Variants in ATG12 observed in about 807,000 individuals in gnomAD.
ATG12 encodes ubiquitin-like protein ATG12.
ATG12 carries 19 observed loss-of-function variants against 17.6 expected under a neutral mutation model. That is an observed-to-expected ratio of 1.08 (90% CI 0.75 to 1.58). The LOEUF (loss-of-function observed/expected upper bound fraction) is 1.58. Among genes scored for constraint, ATG12 ranks in the 40% most tolerant of loss-of-function variants. The pLI, the probability that ATG12 is intolerant of heterozygous loss-of-function variation, is 0.00. For synonymous variants in ATG12, 75 were observed against 62.4 expected, an observed-to-expected ratio of 1.20 and a Z score of -0.95; for missense variants, 214 against 162.0, an observed-to-expected ratio of 1.32 and a Z score of -1.74.
intron 2 of ATG12, chr5:115,832,923 A>T: frequency 3.2e-6 from 1 of 316,338 alleles, no homozygotes. Context: ...ACTTTTAAAT[A>T]TTTTTTACAA....
intron 2 of ATG12, 85 bp downstream of exon 2, chr5:115,837,543 G>C: frequency 5.8e-6 from 8 of 1,383,264 alleles, no homozygotes; most frequent in Non-Finnish European, 8.1e-6. Context: ...GGCTCCATAT[G>C]CATTTCTATA....
Position 115,828,678 on chromosome 5 carries a change from C to G in ATG12, c.*3126G>C, listed in dbSNP as rs1453888096. On this transcript the variant is annotated 3_prime_UTR_variant, in exon 4 of 4. Coordinates refer to ENST00000509910, the MANE Select transcript of ATG12 (RefSeq NM_004707.4). Reference sequence around the variant, plus strand: ...CAAAAACTTAAACTATACAAAATTTCCTTTGTTTTTAGCTGTCATACTTTG... The same window carrying G: ...CAAAAACTTAAACTATACAAAATTTGCTTTGTTTTTAGCTGTCATACTTTG... 6.6e-6 allele frequency: 1 copy of G among 152,116 alleles called. No individual in the cohort carries two copies. The highest frequency in any genetic ancestry group is 1.5e-5 in the Non-Finnish European group (1 of 67,986). 9.4% of individuals were successfully genotyped at this position (152,116 alleles called of 1,614,324 possible). A position where few individuals can be genotyped will look rare whatever the true frequency, so the allele number is the denominator to read the frequency against.
intron 1 of ATG12, chr5:115,838,528 G>A (rs1335526172): frequency 1.3e-5 from 2 of 152,166 alleles, no homozygotes; most frequent in East Asian, 1.9e-4. Context: ...AAATATGGAA[G>A]AATATGCAAC....
At position 115,832,680 on chromosome 5, in the gene ATG12, GA is replaced by G. The variant is rs763973815; in HGVS notation, c.301-17del. 1.3e-6 allele frequency: 2 copies of G among 1,485,940 alleles called. No individual in the cohort carries two copies. The highest frequency in any genetic ancestry group is 3.0e-5 in the African/African-American group (2 of 66,098). The allele number at this position is 1,485,940 out of a possible 1,614,324, so 92.0% of individuals were successfully genotyped here. On this transcript the variant is annotated splice_polypyrimidine_tract_variant and intron_variant, in intron 2 of 3. Transcript: ENST00000509910. ...CATAAATAAACTACAAGAAAGGAAG[GA>G]AAAACAGAGATGTTTAATGGTATCC...
intron 3 of ATG12, among the ~76,000 whole-genome samples, chr5:115,832,182 A>G (rs948290041): frequency 7.3e-5 from 11 of 151,030 alleles, no homozygotes; most frequent in Admixed American, 6.6e-4. Context: ...GTGTACTCTA[A>G]TAACTATTAC....
chr5:115,840,788 A>G (rs1761381034), intron 1 of ATG12: 1 of 1,196,020 alleles, frequency 8.4e-7, no homozygotes, highest in Admixed American at 3.2e-5. Flanking sequence ...AGGGTTGAGG[A>G]TAGCTGACTC....
intron 1 of ATG12, chr5:115,840,931 C>T (rs1761398475): frequency 7.8e-7 from 1 of 1,274,904 alleles, no homozygotes; most frequent in African/African-American, 1.5e-5. Context: ...GAATTCACAA[C>T]CAACTGGGAG....
At position 115,829,582 on chromosome 5, in the gene ATG12, A is replaced by G. The variant is rs1339079877; in HGVS notation, c.*2222T>C. The G allele has an allele frequency of 2.6e-5, 4 of 152,226 alleles. No individual in the cohort carries two copies. Among genetic ancestry groups the G allele is most frequent in the African/African-American group, 4.8e-5 (2 of 41,460 alleles). 9.4% of individuals were successfully genotyped at this position (152,226 alleles called of 1,614,324 possible). On this transcript the variant is annotated 3_prime_UTR_variant, in exon 4 of 4. Transcript: ENST00000509910. ...TCTATGCACAGTAAGATGAAGCATG[A>G]TATTAATGACATCTATTTAGTCACA... is the stretch of plus-strand genomic sequence containing the variant.
In ATG12 at chr5:115,841,196, G is replaced by A. The variant is rs377193007; in HGVS notation, c.163+194C>T. On this transcript the variant is annotated intron_variant, in intron 1 of 3. Transcript: ENST00000509910. Reference sequence around the variant, plus strand: ...CCAAGTATCAGGCCCTACACCGATAGACAGAGATGGTATTTTAACACTCAA... The same window carrying A: ...CCAAGTATCAGGCCCTACACCGATAAACAGAGATGGTATTTTAACACTCAA... 3.4e-4 allele frequency: 229 copies of A among 682,968 alleles called. 1 individual carries two copies. The highest frequency in any genetic ancestry group is 2.1e-3 in the African/African-American group (111 of 53,944). 42.3% of individuals were successfully genotyped at this position (682,968 alleles called of 1,614,324 possible).
At chr5:115,840,995 T>A (rs1761408299) in intron 1 of ATG12, 3 of 782,414 alleles carry the variant, frequency 3.8e-6, no homozygotes, top group African/African-American at 1.8e-5. Flanking sequence ...TAATCCAGGC[T>A]TTGCCAATGA....
intron 1 of ATG12, 69 bp downstream of exon 1, chr5:115,841,321 C>G: frequency 6.3e-7 from 1 of 1,596,832 alleles, no homozygotes; most frequent in South Asian, 1.1e-5. Flanking sequence ...TGCTTCTTTA[C>G]TGGCCGCCAC....
At position 115,837,243 on chromosome 5, in the gene ATG12, A is replaced by C. The variant is rs553534126; in HGVS notation, c.300+385T>G. On this transcript the variant is annotated intron_variant, in intron 2 of 3. Coordinates refer to ENST00000509910, the MANE Select transcript of ATG12 (RefSeq NM_004707.4). ...TCCTTTGATAAAGTACATAAACTCC[A>C]CTAACAAGAGATAAGGCAGGGCACA... Among the ~76,000 whole-genome samples, 64 of 152,294 alleles carry C rather than the reference A, an allele frequency of 4.2e-4. 1 individual carries two copies. The highest frequency in any genetic ancestry group is 2.2e-3 in the Admixed American group (34 of 15,296).
chr5:115,835,325 T>C (rs1580567958), intron 2 of ATG12, among the ~76,000 whole-genome samples: 2 of 152,332 alleles, frequency 1.3e-5, no homozygotes, highest in East Asian at 3.9e-4. Context: ...GACCTTGTTA[T>C]TCCTGTTATT....
intron 1 of ATG12, chr5:115,840,940 AG>A (rs1343621894): frequency 1.6e-6 from 2 of 1,261,222 alleles, no homozygotes; most frequent in East Asian, 5.6e-5. Flanking sequence ...ACCAACTGGG[AG>A]GGGGAAAAAA....
Position 115,841,384 on chromosome 5 carries a change from A to G in ATG12, c.163+6T>C, listed in dbSNP as rs1443962392. 1 of 1,610,522 alleles carries G rather than the reference A, an allele frequency of 6.2e-7. No homozygotes were observed. Among genetic ancestry groups the G allele is most frequent in the African/African-American group, 1.3e-5 (1 of 74,126 alleles). On this transcript the variant is annotated splice_donor_region_variant and intron_variant, in intron 1 of 3. Transcript: ENST00000509910. The stretch of plus-strand genomic sequence containing the variant: ...CGCCTCTCTGCCCGGAAATAAATTC[A>G]GTTACTTTTTTTCTTGGTGTCGCCA...
rs1021169475 is a variant in ATG12, at chr5:115,830,429, C to A, written c.*1375G>T. ...AACTGAACTGGACAAAACTAGAGAA[C>A]AGACCTTTTCCATACTCATTTAACT... On this transcript the variant is annotated 3_prime_UTR_variant, in exon 4 of 4. Coordinates refer to ENST00000509910, the MANE Select transcript of ATG12 (RefSeq NM_004707.4). 1.3e-5 allele frequency: 2 copies of A among 152,214 alleles called. No individual in the cohort carries two copies. Among genetic ancestry groups the A allele is most frequent in the East Asian group, 1.9e-4 (1 of 5,184 alleles). The allele number at this position is 152,214 out of a possible 1,614,324, so 9.4% of individuals were successfully genotyped here. A position where few individuals can be genotyped will look rare whatever the true frequency, so the allele number is the denominator to read the frequency against.
chr5:115,838,572 A>C (rs1580572750), intron 1 of ATG12: 1 of 152,244 alleles, frequency 6.6e-6, no homozygotes. Flanking sequence ...CATTGTAGGC[A>C]ATGATTACTT....
intron 3 of ATG12, 136 bp downstream of exon 3, chr5:115,832,466 G>A (rs780025778): frequency 5.0e-5 from 52 of 1,035,822 alleles, no homozygotes; most frequent in Non-Finnish European, 6.4e-5. Context: ...AATTAAGAAT[G>A]GCATGCCATC....
Position 115,831,477 on chromosome 5 carries a change from C to A in ATG12, c.*327G>T. The A allele has an allele frequency of 3.0e-6, 1 of 331,252 alleles. No homozygotes were observed. Among genetic ancestry groups the A allele is most frequent in the Non-Finnish European group, 5.5e-6 (1 of 182,612 alleles). 20.5% of individuals were successfully genotyped at this position (331,252 alleles called of 1,614,324 possible). A position where few individuals can be genotyped will look rare whatever the true frequency, so the allele number is the denominator to read the frequency against. ...CTTTTACCATGAAAACAATTTCAGT[C>A]ATTTTGAGAACTGACAATGAAGATG... On this transcript the variant is annotated 3_prime_UTR_variant, in exon 4 of 4. Coordinates refer to ENST00000509910, the MANE Select transcript of ATG12 (RefSeq NM_004707.4).
Sources: gnomAD v4.1 joint callset for allele counts (sites outside exome capture counted in the v4.1 genomes callset) on GRCh38, gnomAD v4.1.1 for gene constraint, MANE v1.5 for transcripts, NCBI Gene and HGNC (gene_info 2026-07-23, HGNC 2026-07-21) for gene names.